Variants in WDFY2 observed in about 807,000 individuals in gnomAD.
WDFY2 encodes WD repeat and FYVE domain-containing protein 2.
Under a neutral mutation model 56.4 loss-of-function variants are expected in WDFY2, and 36 were observed. That is an observed-to-expected ratio of 0.64 (90% confidence interval 0.49 to 0.84). WDFY2 has a LOEUF of 0.84. Among genes scored for constraint, WDFY2 ranks in the 40% least tolerant of loss-of-function variants. WDFY2 has a pLI of 0.00. For missense variants in WDFY2, 444 were observed against 512.2 expected, an observed-to-expected ratio of 0.87 and a Z score of 1.29; for synonymous variants, 176 against 183.7, an observed-to-expected ratio of 0.96 and a Z score of 0.34.
intron 2 of WDFY2, among the ~76,000 whole-genome samples, chr13:51,674,236 CATGGCTTCTGTGAATATG>C (rs1955850901): frequency 6.6e-6 from 1 of 152,154 alleles, no homozygotes; most frequent in Admixed American, 6.5e-5. Flanking sequence ...TCATGATCTA[CATGGCTTCTGTGAATATG>C]AAGGGAGACA....
rs76088661 is a variant in WDFY2 at position 51,752,476 on chromosome 13, G to A, written c.831+1061G>A. 5.4e-3 allele frequency among the ~76,000 whole-genome samples: 827 copies of A among 152,274 alleles called. 6 individuals are homozygous for A. The highest frequency in any genetic ancestry group is 0.019 in the African/African-American group (774 of 41,552). ...TTATGTCCTGGGTTGGGTTCTGCAC[G>A]GTAGCCTGCTTTGGGTTAGGGACAG... On this transcript the variant is annotated intron_variant, in intron 8 of 11. Transcript: ENST00000298125.
rs139995394 is a variant in WDFY2, at chr13:51,666,618, C to G, written c.205+5955C>G. Among the ~76,000 whole-genome samples, 377 of 152,074 alleles carry G rather than the reference C, an allele frequency of 2.5e-3. 2 individuals carry two copies. Among genetic ancestry groups the G allele is most frequent in the Non-Finnish European group, 3.9e-3 (263 of 68,000 alleles). On this transcript the variant is annotated intron_variant, in intron 2 of 11. Coordinates refer to ENST00000298125, the MANE Select transcript of WDFY2 (RefSeq NM_052950.4). The stretch of plus-strand genomic sequence containing the variant: ...GGCAGAAAAGATTGGGAGCAGTAGC[C>G]CTAGGACCTGGTACTTTGTCATTAT...
chr13:51,738,868 AG>A (rs371894828), intron 6 of WDFY2, among the ~76,000 whole-genome samples, 180 bp from the exon 7 acceptor site: 425 of 152,262 alleles, frequency 2.8e-3, no homozygotes, highest in African/African-American at 9.6e-3. Flanking sequence ...AAATGCTTAA[AG>A]GGTGGGAATT....
chr13:51,645,179 A>G (rs1955241562), intron 1 of WDFY2, among the ~76,000 whole-genome samples: 1 of 151,518 alleles, frequency 6.6e-6, no homozygotes, highest in Non-Finnish European at 1.5e-5. Context: ...TGAAAACTAC[A>G]TCCTGTTGCT....
chr13:51,727,687 T>C lies in WDFY2; in HGVS notation c.495T>C (p.Val165=). The C allele has an allele frequency of 6.2e-7, 1 of 1,613,316 alleles. No homozygotes were observed. Among genetic ancestry groups the C allele is most frequent in the Non-Finnish European group, 8.5e-7 (1 of 1,179,790 alleles). The change falls in exon 6 of 12, where the codon GTT becomes GTC. Residue 165 remains valine, a synonymous_variant. Coordinates refer to ENST00000298125, the MANE Select transcript of WDFY2 (RefSeq NM_052950.4). The part of the protein sequence containing the change: ...SAVASGLQFD[V]ETRHVFIGDH... The stretch of plus-strand genomic sequence containing the variant: ...AATGCTTTCATGACAGATTTGATGT[T>C]GAAACCCGGCATGTGTTTATCGGTG...
chr13:51,703,392 A>G lies in WDFY2; in HGVS notation c.280-204A>G, dbSNP rs147540830. The stretch of plus-strand genomic sequence containing the variant: ...GTGCATACACAAAAAGTCAACACTT[A>G]TAAGGTAAAATTATGATAACTGCAT... On this transcript the variant is annotated intron_variant, in intron 3 of 11. Transcript: ENST00000298125. 1.2e-3 allele frequency among the ~76,000 whole-genome samples: 184 copies of G among 152,302 alleles called. 2 individuals are homozygous for G. In the East Asian group the frequency reaches 0.029, roughly 24 times the overall value.
intron 1 of WDFY2, among the ~76,000 whole-genome samples, chr13:51,655,732 G>A (rs974300748): frequency 1.3e-5 from 2 of 152,044 alleles, no homozygotes; most frequent in Non-Finnish European, 1.5e-5. Flanking sequence ...GAATAGGATT[G>A]TTGTTCATTC....
At chr13:51,600,270 C>T (rs1954244352) in intron 1 of WDFY2, among the ~76,000 whole-genome samples, 1 of 152,102 alleles carries the variant, frequency 6.6e-6, no homozygotes, top group South Asian at 2.1e-4. Flanking sequence ...ATGATGGAGT[C>T]CCTTAGGTTT....
chr13:51,751,428 G>T lies in WDFY2; in HGVS notation c.831+13G>T. 1 of 1,611,818 alleles carries T rather than the reference G, an allele frequency of 6.2e-7. No homozygotes were observed. Among genetic ancestry groups the T allele is most frequent in the East Asian group, 2.2e-5 (1 of 44,842 alleles). On this transcript the variant is annotated intron_variant, in intron 8 of 11. Transcript: ENST00000298125. The stretch of plus-strand genomic sequence containing the variant: ...GGAGAGGCAGGAGGTAGGTGGCACA[G>T]CAGGGTGGGGTGGGCCCTGTGGTTC...
At chr13:51,683,720 C>T (rs1011535903) in intron 3 of WDFY2, among the ~76,000 whole-genome samples, 4 of 152,182 alleles carry the variant, frequency 2.6e-5, no homozygotes, top group African/African-American at 4.8e-5. Flanking sequence ...TGTTGCTCCA[C>T]CTACTGTGTG....
chr13:51,734,513 C>CTT (rs1483210945), intron 6 of WDFY2, among the ~76,000 whole-genome samples: 1 of 152,064 alleles, frequency 6.6e-6, no homozygotes, highest in African/African-American at 2.4e-5. Flanking sequence ...ATTATGAAAA[C>CTT]TTTTATTTTA....
At chr13:51,682,817 AGCCTTG>A (rs1160997338) in intron 3 of WDFY2, among the ~76,000 whole-genome samples, 1 of 152,200 alleles carries the variant, frequency 6.6e-6, no homozygotes, top group Non-Finnish European at 1.5e-5. Flanking sequence ...GTAACCAGGA[AGCCTTG>A]GTTAAAGTCT....
In WDFY2 at chr13:51,675,185, T is replaced by C; in HGVS notation, c.221T>C (p.Met74Thr). Reference sequence around the variant, plus strand: ...TTTCTTTCAGCTCCATGTTCATGCATGTCTTTTAACCCGGAAACAAGAAGA... The same window carrying C: ...TTTCTTTCAGCTCCATGTTCATGCACGTCTTTTAACCCGGAAACAAGAAGA... ...YHAMPSPCSC[M>T]SFNPETRRLS... The change falls in exon 3 of 12, where the codon ATG becomes ACG. Residue 74 changes from methionine to threonine, a missense_variant. Coordinates refer to ENST00000298125, the MANE Select transcript of WDFY2 (RefSeq NM_052950.4). 1 of 1,613,988 alleles carries C rather than the reference T, an allele frequency of 6.2e-7. No individual in the cohort carries two copies. The highest frequency in any genetic ancestry group is 8.5e-7 in the Non-Finnish European group (1 of 1,179,902).
intron 2 of WDFY2, among the ~76,000 whole-genome samples, chr13:51,671,330 C>G (rs1955803025): frequency 1.3e-5 from 2 of 152,174 alleles, no homozygotes; most frequent in Admixed American, 1.3e-4. Flanking sequence ...GCATTCCCAC[C>G]AGCAGCGCAG....
intron 6 of WDFY2, among the ~76,000 whole-genome samples, chr13:51,738,470 A>G (rs1034452248): frequency 6.6e-6 from 1 of 152,220 alleles, no homozygotes; most frequent in African/African-American, 2.4e-5. Context: ...AGTAATAGTC[A>G]TAGTGGTCAT....
chr13:51,616,169 C>T (rs555796090), intron 1 of WDFY2, among the ~76,000 whole-genome samples: 57 of 152,174 alleles, frequency 3.7e-4, no homozygotes, highest in Non-Finnish European at 7.5e-4. Context: ...CCCAGGAGGT[C>T]GAGGCTGCAG....
intron 3 of WDFY2, among the ~76,000 whole-genome samples, chr13:51,677,908 G>A (rs949398319): frequency 1.3e-5 from 2 of 152,176 alleles, no homozygotes; most frequent in Non-Finnish European, 2.9e-5. Flanking sequence ...CGATATAGGA[G>A]AGGAATGCCT....
At chr13:51,642,523 C>T (rs990782657) in intron 1 of WDFY2, among the ~76,000 whole-genome samples, 4 of 152,022 alleles carry the variant, frequency 2.6e-5, no homozygotes, top group African/African-American at 9.7e-5. Context: ...ATCTGGAACT[C>T]TTGAGCTCAA....
intron 2 of WDFY2, among the ~76,000 whole-genome samples, chr13:51,668,130 C>T (rs886630654): frequency 1.3e-4 from 19 of 151,972 alleles, no homozygotes; most frequent in African/African-American, 3.1e-4. Flanking sequence ...GCACCTGCCT[C>T]GGCCTCCCAA....
Sources: allele counts gnomAD v4.1 joint callset (sites outside exome capture counted in the v4.1 genomes callset), GRCh38; gene constraint gnomAD v4.1.1; transcripts MANE v1.5; gene names NCBI Gene and HGNC (gene_info 2026-07-23, HGNC 2026-07-21).